The following CAMTA1 variants were observed in gnomAD, a reference collection of about 807,000 sequenced individuals.
The protein encoded by CAMTA1 is calmodulin binding transcription activator 1.
CAMTA1 carries 27 observed loss-of-function variants against 170.9 expected under a neutral mutation model. That is an observed-to-expected ratio of 0.16 (90% confidence interval 0.12 to 0.22). The LOEUF (loss-of-function observed/expected upper bound fraction) is 0.22, where lower values mean the gene tolerates loss of function less well. CAMTA1 is among the 10% of genes least tolerant of loss of function. The pLI is 1.00. For synonymous variants in CAMTA1, 833 were observed against 891.5 expected, an observed-to-expected ratio of 0.93 and a Z score of 1.17; for missense variants, 1,619 against 2,217.2, an observed-to-expected ratio of 0.73 and a Z score of 5.42.
intron 5 of CAMTA1, among the ~76,000 whole-genome samples, chr1:7,341,892 G>A (rs925742799): frequency 6.6e-6 from 1 of 152,052 alleles, no homozygotes; most frequent in African/African-American, 2.4e-5. Flanking sequence ...CTTCTTCCTC[G>A]CCTCCTCCCC....
chr1:7,435,722 T>C lies in CAMTA1; in HGVS notation c.439-32108T>C, dbSNP rs2092326197. Among the ~76,000 whole-genome samples, 1 of 152,116 alleles carries C rather than the reference T, an allele frequency of 6.6e-6. No individual in the cohort carries two copies. The highest frequency in any genetic ancestry group is 6.5e-5 in the Admixed American group (1 of 15,272). ...AGGGTACTCAGTTCCTATAGCCCGA[T>C]CATGGCATTGTCACGGTGGCACAGG... On this transcript the variant is annotated intron_variant, in intron 5 of 22. Transcript: ENST00000303635. This position sits in a 1 kb window ranked among gnomAD's most constrained non-coding sequence, Gnocchi z 4.4.
intron 5 of CAMTA1, among the ~76,000 whole-genome samples, chr1:7,364,796 T>C (rs192916708): frequency 6.6e-6 from 1 of 152,258 alleles, no homozygotes; most frequent in African/African-American, 2.4e-5. Flanking sequence ...ATAAAAACAC[T>C]CCACACAGTG....
intron 5 of CAMTA1, among the ~76,000 whole-genome samples, chr1:7,378,827 G>A (rs2087048967): frequency 6.6e-6 from 1 of 152,190 alleles, no homozygotes; most frequent in African/African-American, 2.4e-5. Context: ...GGTGGGGGAT[G>A]AGGCCTGTGG....
intron 5 of CAMTA1, among the ~76,000 whole-genome samples, chr1:7,441,910 C>T (rs929954326): frequency 6.6e-6 from 1 of 152,196 alleles, no homozygotes; most frequent in African/African-American, 2.4e-5. Context: ...AGCGTAGGCG[C>T]AGACTCTGGG....
At chr1:6,788,120 G>A (rs1411843964) in intron 1 of CAMTA1, among the ~76,000 whole-genome samples, 1 of 152,056 alleles carries the variant, frequency 6.6e-6, no homozygotes, top group Non-Finnish European at 1.5e-5. Flanking sequence ...AATGATTTGA[G>A]CCCTGTCGGC....
chr1:7,654,358 T>C (rs1456463576), intron 7 of CAMTA1, among the ~76,000 whole-genome samples: 1 of 151,910 alleles, frequency 6.6e-6, no homozygotes, highest in Non-Finnish European at 1.5e-5. Context: ...CCAGCCTGGG[T>C]GACAGAGTGA....
At chr1:7,524,992 G>A (rs572420068) in intron 6 of CAMTA1, among the ~76,000 whole-genome samples, 24 of 152,196 alleles carry the variant, frequency 1.6e-4, no homozygotes, top group African/African-American at 5.8e-4. Context: ...ATTCAGCAAG[G>A]CCTGCACCCT....
intron 11 of CAMTA1, among the ~76,000 whole-genome samples, chr1:7,705,238 T>A (rs1008778048): frequency 2.8e-4 from 42 of 148,682 alleles, no homozygotes; most frequent in Non-Finnish European, 4.8e-4. Context: ...GGTGAGGGGC[T>A]GCAGGGAGGG....
intron 4 of CAMTA1, among the ~76,000 whole-genome samples, chr1:7,218,633 C>CT (rs2149111512): frequency 6.6e-6 from 1 of 152,310 alleles, no homozygotes; most frequent in East Asian, 1.9e-4. Context: ...ATATTCTGGT[C>CT]TATCTGGATT....
chr1:7,668,452 C>T (rs367918569), intron 9 of CAMTA1, among the ~76,000 whole-genome samples: 1 of 151,246 alleles, frequency 6.6e-6, no homozygotes, highest in Non-Finnish European at 1.5e-5. Flanking sequence ...ACCCCAGAGG[C>T]GTCCCCCTAT....
intron 6 of CAMTA1, among the ~76,000 whole-genome samples, chr1:7,591,886 T>G (rs1317860092): frequency 6.6e-6 from 1 of 152,012 alleles, no homozygotes; most frequent in African/African-American, 2.4e-5. Context: ...CACAGTTTGT[T>G]TGTTTATTTA....
At chr1:7,444,648 G>A (rs1003386332) in intron 5 of CAMTA1, among the ~76,000 whole-genome samples, 18 of 152,248 alleles carry the variant, frequency 1.2e-4, no homozygotes, top group Non-Finnish European at 2.4e-4. Flanking sequence ...TGGGGGCACC[G>A]AGCAAGAAGC....
At chr1:7,661,702 G>A in intron 7 of CAMTA1, 24 bp from the exon 8 acceptor site, 1 of 1,613,224 alleles carries the variant, frequency 6.2e-7, no homozygotes, top group Non-Finnish European at 8.5e-7. Flanking sequence ...GGCTCTGACA[G>A]CCCCCCTGCC....
chr1:6,871,854 T>G (rs1193216559), intron 3 of CAMTA1: 1 of 1,464,234 alleles, frequency 6.8e-7, no homozygotes, highest in East Asian at 2.6e-5. Context: ...ACCATTTCAT[T>G]TTTTAATTTA....
At chr1:6,810,966 C>T (rs180710418) in intron 1 of CAMTA1, among the ~76,000 whole-genome samples, 4 of 152,192 alleles carry the variant, frequency 2.6e-5, no homozygotes, top group African/African-American at 4.8e-5. Context: ...CTTTCAGAGG[C>T]GGAAGTTTTG....
At chr1:7,103,615 A>ACG (rs1372905352) in intron 4 of CAMTA1, among the ~76,000 whole-genome samples, 71 of 50,160 alleles carry the variant, frequency 1.4e-3, no homozygotes, top group African/African-American at 6.7e-3. Flanking sequence ...ACAACTACAC[A>ACG]CACGCACACA....
intron 5 of CAMTA1, among the ~76,000 whole-genome samples, chr1:7,306,212 T>C (rs1675575368): frequency 6.6e-6 from 1 of 152,084 alleles, no homozygotes. Flanking sequence ...AGGTCACAGA[T>C]ATTTTCTCCT....
chr1:7,133,159 T>C (rs982330637), intron 4 of CAMTA1, among the ~76,000 whole-genome samples: 16 of 152,190 alleles, frequency 1.1e-4, no homozygotes, highest in Non-Finnish European at 4.4e-5. Context: ...TTGTGTTGAA[T>C]TGGTTATATA....
Position 7,677,868 on chromosome 1 carries a change from C to T in CAMTA1, c.2914+135C>T, listed in dbSNP as rs1010463220. On this transcript the variant is annotated intron_variant, in intron 11 of 22. Coordinates refer to ENST00000303635, the MANE Select transcript of CAMTA1 (RefSeq NM_015215.4). ...GGTGCCAATGTGAGCAAAGGAAGGC[C>T]GACTGGGTCTCCACCGCCAGGCTGA... The T allele has an allele frequency of 3.2e-5, 33 of 1,018,176 alleles. No individual in the cohort carries two copies. The African/African-American group carries it at 3.6e-4, about 11-fold the overall frequency. 63.1% of individuals were successfully genotyped at this position (1,018,176 alleles called of 1,614,324 possible).
Sources: gnomAD v4.1 joint callset for allele counts (sites outside exome capture counted in the v4.1 genomes callset) on GRCh38, gnomAD v4.1.1 for gene constraint, Gnocchi (gnomAD v3.1) non-coding constraint, MANE v1.5 for transcripts, NCBI Gene and HGNC (gene_info 2026-07-23, HGNC 2026-07-21) for gene names.